Variants in FTCDNL1 observed in about 807,000 individuals in gnomAD.
FTCDNL1 encodes formiminotransferase cyclodeaminase N-terminal like, also known as formiminotransferase N-terminal subdomain-containing protein.
In FTCDNL1, 11 loss-of-function variants were observed where a neutral mutation model predicts 5.9. The ratio of observed to expected loss-of-function variants is 1.87; its 90% CI spans 1.18 to 3.10. The LOEUF (loss-of-function observed/expected upper bound fraction) is 3.10. FTCDNL1 is among the 30% of genes most tolerant of loss of function. FTCDNL1 has a pLI of 0.00. For synonymous variants in FTCDNL1, 58 were observed against 24.8 expected (o/e 2.34, Z -3.99); for missense variants, 115 against 65.5 (o/e 1.76, Z -2.61).
At chr2:199,782,004 C>T (rs530050356) in intron 3 of FTCDNL1, among the ~76,000 whole-genome samples, 63 of 152,184 alleles carry the variant, frequency 4.1e-4, no homozygotes, top group African/African-American at 5.1e-4. Context: ...AGGATGGTCT[C>T]GATCTCCTGA....
chr2:199,683,781 T>C, the FTCDNL1 span, among the ~76,000 whole-genome samples: 1 of 152,224 alleles, frequency 6.6e-6, no homozygotes, highest in African/African-American at 2.4e-5. Flanking sequence ...AAAATACCTT[T>C]AATTCCCTGT....
the FTCDNL1 span, among the ~76,000 whole-genome samples, chr2:199,681,667 A>T: frequency 6.6e-6 from 1 of 152,238 alleles, no homozygotes; most frequent in Non-Finnish European, 1.5e-5. Context: ...AAAGAGGATC[A>T]TGAGAACCTA....
chr2:199,788,123 A>G (rs1381463648), intron 3 of FTCDNL1, among the ~76,000 whole-genome samples: 1 of 152,236 alleles, frequency 6.6e-6, no homozygotes, highest in East Asian at 1.9e-4. Flanking sequence ...CATAAACAAT[A>G]TTAGAAGATG....
Position 199,811,786 on chromosome 2 carries a change from G to C in FTCDNL1, c.*919C>G, listed in dbSNP as rs975217295. Among the ~76,000 whole-genome samples the C allele has an allele frequency of 6.6e-6, 1 of 152,098 alleles. No individual in the cohort carries two copies. The highest frequency in any genetic ancestry group is 1.5e-5 in the Non-Finnish European group (1 of 68,016). On this transcript the variant is annotated 3_prime_UTR_variant, in exon 5 of 5. Transcript: ENST00000420128. Reference sequence around the variant, plus strand: ...CCCTGTTAGTAGAATTTCCAAAGTTGATCATTCTTGCTATAAATGAACTCA... The same window carrying C: ...CCCTGTTAGTAGAATTTCCAAAGTTCATCATTCTTGCTATAAATGAACTCA...
intron 3 of FTCDNL1, among the ~76,000 whole-genome samples, chr2:199,839,038 C>G (rs916451079): frequency 6.6e-6 from 1 of 151,968 alleles, no homozygotes. Flanking sequence ...AAGAAATGAC[C>G]CAGCCATGTC....
chr2:199,664,566 C>T, the FTCDNL1 span, among the ~76,000 whole-genome samples: 5 of 152,124 alleles, frequency 3.3e-5, no homozygotes, highest in African/African-American at 1.2e-4. Context: ...TACTTTTAAG[C>T]TTCAAAAGCC....
chr2:199,769,718 C>T (rs1303791342), intron 3 of FTCDNL1, among the ~76,000 whole-genome samples: 2 of 152,168 alleles, frequency 1.3e-5, no homozygotes, highest in Non-Finnish European at 2.9e-5. Context: ...TTGTGGTCCC[C>T]ACGCCTACCC....
chr2:199,741,338 A>G, the FTCDNL1 span, among the ~76,000 whole-genome samples: 1 of 152,180 alleles, frequency 6.6e-6, no homozygotes, highest in East Asian at 1.9e-4. Context: ...CTATGAAAAT[A>G]CAAATGCAAA....
intron 3 of FTCDNL1, among the ~76,000 whole-genome samples, chr2:199,789,023 G>GAA (rs36045224): frequency 4.3e-5 from 6 of 138,290 alleles, no homozygotes; most frequent in South Asian, 2.3e-4. Context: ...CTATCATTAC[G>GAA]AAAAAAAAAA....
At chr2:199,760,720 T>A (rs1430832569) in exon 4 of FTCDNL1, 1 of 695,358 alleles carries the variant, frequency 1.4e-6, no homozygotes, top group East Asian at 2.7e-5. Flanking sequence ...TACTGTGTGT[T>A]GGTTTTCCTC....
At chr2:199,791,834 A>G (rs17529497) in intron 3 of FTCDNL1, among the ~76,000 whole-genome samples, 38,406 of 151,980 alleles carry the variant, frequency 0.25, 6,069 homozygotes, top group Non-Finnish European at 0.35. Flanking sequence ...AATGTGCCCC[A>G]TTCAAATATA....
At chr2:199,713,465 G>A in the FTCDNL1 span, among the ~76,000 whole-genome samples, 5 of 152,138 alleles carry the variant, frequency 3.3e-5, no homozygotes, top group African/African-American at 9.7e-5. Flanking sequence ...AGCCAGGCAG[G>A]GCAAACCAAA....
chr2:199,760,217 A>C (rs964486932), downstream of FTCDNL1, among the ~76,000 whole-genome samples: 3 of 145,088 alleles, frequency 2.1e-5, no homozygotes, highest in African/African-American at 4.9e-5. Flanking sequence ...AAAAAAAAAA[A>C]AACAAAAAAC....
the FTCDNL1 span, among the ~76,000 whole-genome samples, chr2:199,737,517 G>T: frequency 6.6e-6 from 1 of 152,074 alleles, no homozygotes; most frequent in Non-Finnish European, 1.5e-5. Context: ...TCAACAGAAA[G>T]GTTACCTGGA....
intron 3 of FTCDNL1, among the ~76,000 whole-genome samples, chr2:199,802,760 C>T (rs976699629): frequency 6.6e-6 from 1 of 152,162 alleles, no homozygotes; most frequent in Non-Finnish European, 1.5e-5. Context: ...GTTCATCCTC[C>T]ACTTCCCCAC....
At position 199,810,515 on chromosome 2, in the gene FTCDNL1, G is replaced by A. The variant is rs1229997922; in HGVS notation, c.*2190C>T. Among the ~76,000 whole-genome samples the A allele has an allele frequency of 1.3e-5, 2 of 152,096 alleles. No individual in the cohort carries two copies. The highest frequency in any genetic ancestry group is 4.8e-5 in the African/African-American group (2 of 41,410). ...GAGGCACCTCTTTCTTCCATCCCCA[G>A]CTATACAAGAGGCTGAGATGGCCAT... On this transcript the variant is annotated 3_prime_UTR_variant, in exon 5 of 5. Coordinates refer to ENST00000420128, the MANE Select transcript of FTCDNL1 (RefSeq NM_001363886.2).
chr2:199,673,474 TG>T, the FTCDNL1 span, among the ~76,000 whole-genome samples: 1 of 152,198 alleles, frequency 6.6e-6, no homozygotes, highest in Non-Finnish European at 1.5e-5. Context: ...TTCTAATTTT[TG>T]CTACATAATT....
At chr2:199,667,380 T>C in the FTCDNL1 span, among the ~76,000 whole-genome samples, 1 of 152,112 alleles carries the variant, frequency 6.6e-6, no homozygotes. Context: ...CTCATCCCTG[T>C]AATCCCAGGA....
At chr2:199,679,434 G>C in the FTCDNL1 span, among the ~76,000 whole-genome samples, 11 of 151,978 alleles carry the variant, frequency 7.2e-5, no homozygotes, top group African/African-American at 1.4e-4. Flanking sequence ...AGGAGTATAT[G>C]CCTCTTCATT....
Sources: gnomAD v4.1 joint callset for allele counts (sites outside exome capture counted in the v4.1 genomes callset) on GRCh38, gnomAD v4.1.1 for gene constraint, MANE v1.5 for transcripts, NCBI Gene and HGNC (gene_info 2026-07-23, HGNC 2026-07-21) for gene names.